PARD3B: variants seen among roughly 807,000 people sequenced by gnomAD.
The protein encoded by PARD3B is partitioning defective 3 homolog B.
A neutral mutation model predicts 130.2 loss-of-function variants in PARD3B; 103 were observed. That is an observed-to-expected ratio of 0.79 (90% confidence interval 0.67 to 0.93). PARD3B has a LOEUF of 0.93. PARD3B is among the 40% of genes least tolerant of loss of function. PARD3B has a pLI of 0.00. For missense variants in PARD3B, 1,609 were observed against 1,499.2 expected, an observed-to-expected ratio of 1.07 and a Z score of -1.21; for synonymous variants, 583 against 553.2, an observed-to-expected ratio of 1.05 and a Z score of -0.76.
At chr2:205,180,091 C>G (rs536024881) in intron 13 of PARD3B, among the ~76,000 whole-genome samples, 1 of 151,896 alleles carries the variant, frequency 6.6e-6, no homozygotes, top group African/African-American at 2.4e-5. Context: ...TAACTATCTA[C>G]AAGTTTCCTG....
At position 204,565,021 on chromosome 2, in the gene PARD3B, A is replaced by G. The variant is rs546044780; in HGVS notation, c.120+18902A>G. Among the ~76,000 whole-genome samples the G allele has an allele frequency of 7.2e-5, 11 of 152,328 alleles. No homozygotes were observed. In the East Asian group the frequency reaches 1.9e-3, roughly 27 times the overall value. On this transcript the variant is annotated intron_variant, in intron 1 of 22. Coordinates refer to ENST00000406610, the MANE Select transcript of PARD3B (RefSeq NM_001302769.2). The stretch of plus-strand genomic sequence containing the variant: ...AAGATATCGCCTAGGCTATGCTCTC[A>G]TCTGGAGGCTTGACTGGGAAGAATC...
At chr2:205,509,798 G>C (rs759633097) in intron 21 of PARD3B, among the ~76,000 whole-genome samples, 9 of 152,230 alleles carry the variant, frequency 5.9e-5, no homozygotes, top group Non-Finnish European at 8.8e-5. Context: ...TGTGGGCAGT[G>C]ACCTGATCCC....
At chr2:205,237,339 T>A (rs1036038058) in intron 15 of PARD3B, among the ~76,000 whole-genome samples, 2 of 152,134 alleles carry the variant, frequency 1.3e-5, no homozygotes, top group Admixed American at 1.3e-4. Context: ...TGACCTCAGA[T>A]GATCCACCCG....
In PARD3B at chr2:205,325,266, C is replaced by T. The variant is rs1031843267; in HGVS notation, c.2630+23565C>T. ...TGTTATACAATGTTCAACCTTTATA[C>T]TTTTATGCTGCCATAGATAAGTACA... is the stretch of plus-strand genomic sequence containing the variant. On this transcript the variant is annotated intron_variant, in intron 18 of 22. Transcript: ENST00000406610. This position sits in a 1 kb window ranked among gnomAD's most constrained non-coding sequence, Gnocchi z 4.1. 6.6e-6 allele frequency among the ~76,000 whole-genome samples: 1 copy of T among 152,264 alleles called. No individual in the cohort carries two copies. Among genetic ancestry groups the T allele is most frequent in the Non-Finnish European group, 1.5e-5 (1 of 68,014 alleles).
At chr2:205,072,028 T>C (rs1224816516) in intron 4 of PARD3B, among the ~76,000 whole-genome samples, 3 of 152,176 alleles carry the variant, frequency 2.0e-5, no homozygotes, top group African/African-American at 7.2e-5. Flanking sequence ...TATTTGTATT[T>C]CTTCTTAAAA....
At chr2:205,370,765 G>A (rs2044783053) in intron 18 of PARD3B, among the ~76,000 whole-genome samples, 1 of 152,226 alleles carries the variant, frequency 6.6e-6, no homozygotes, top group Non-Finnish European at 1.5e-5. Context: ...ACTTGGAGAA[G>A]AAGAGCACTT....
At chr2:205,535,119 C>T (rs943454364) in intron 21 of PARD3B, among the ~76,000 whole-genome samples, 48 of 152,184 alleles carry the variant, frequency 3.2e-4, no homozygotes, top group African/African-American at 1.1e-3. Context: ...ATCTGCTCTG[C>T]CCCTTTCTCA....
chr2:204,898,795 G>T (rs1005120550), intron 2 of PARD3B, among the ~76,000 whole-genome samples: 8 of 151,948 alleles, frequency 5.3e-5, no homozygotes, highest in Non-Finnish European at 8.8e-5. Flanking sequence ...TATATTTCTG[G>T]GTGCTTTGTG....
intron 19 of PARD3B, among the ~76,000 whole-genome samples, chr2:205,403,816 G>T (rs1405969580): frequency 6.6e-6 from 1 of 152,138 alleles, no homozygotes; most frequent in Non-Finnish European, 1.5e-5. Flanking sequence ...ATGATACACA[G>T]GATTTTTTTC....
intron 5 of PARD3B, among the ~76,000 whole-genome samples, chr2:205,113,100 A>T (rs1559450471): frequency 6.6e-6 from 1 of 152,076 alleles, no homozygotes; most frequent in Non-Finnish European, 1.5e-5. Flanking sequence ...TGAAGCATCG[A>T]TGTGCTTTCT....
chr2:204,780,065 A>G (rs1379519859), intron 2 of PARD3B, among the ~76,000 whole-genome samples: 1 of 152,218 alleles, frequency 6.6e-6, no homozygotes, highest in Non-Finnish European at 1.5e-5. Flanking sequence ...GAGACTCCCA[A>G]GGAGACATTT....
At chr2:205,343,582 T>G (rs1440473326) in intron 18 of PARD3B, among the ~76,000 whole-genome samples, 1 of 152,214 alleles carries the variant, frequency 6.6e-6, no homozygotes, top group Non-Finnish European at 1.5e-5. Context: ...AATGGTAACT[T>G]TAGGCAAGTA....
At chr2:204,790,447 T>C (rs2042161745) in intron 2 of PARD3B, among the ~76,000 whole-genome samples, 1 of 152,168 alleles carries the variant, frequency 6.6e-6, no homozygotes, top group South Asian at 2.1e-4. Flanking sequence ...ACTTCAAGCG[T>C]TGGGAATTAT....
At chr2:204,627,559 T>A (rs2034530059) in intron 1 of PARD3B, among the ~76,000 whole-genome samples, 1 of 152,156 alleles carries the variant, frequency 6.6e-6, no homozygotes, top group Non-Finnish European at 1.5e-5. Context: ...GTTAGCTTGT[T>A]CTAGAATTTC....
At chr2:205,130,704 AT>A (rs2031918732) in intron 10 of PARD3B, among the ~76,000 whole-genome samples, 1 of 152,158 alleles carries the variant, frequency 6.6e-6, no homozygotes, top group South Asian at 2.1e-4. Flanking sequence ...TTTCAAATGT[AT>A]TTATAATTTC....
chr2:205,012,302 T>A (rs1022448964), intron 3 of PARD3B, among the ~76,000 whole-genome samples: 2 of 152,234 alleles, frequency 1.3e-5, no homozygotes, highest in Non-Finnish European at 2.9e-5. Context: ...ATGGTTGAAT[T>A]TCTGTATTTA....
At chr2:205,581,354 C>T (rs1272158686) in intron 22 of PARD3B, among the ~76,000 whole-genome samples, 7 of 142,328 alleles carry the variant, frequency 4.9e-5, no homozygotes, top group African/African-American at 1.3e-4. Context: ...TGTGTGTGTA[C>T]GTGTGTGTAC....
intron 2 of PARD3B, among the ~76,000 whole-genome samples, chr2:204,871,229 G>A (rs879854015): frequency 3.3e-5 from 5 of 152,078 alleles, no homozygotes; most frequent in Non-Finnish European, 7.4e-5. Flanking sequence ...TTTGTAGACT[G>A]TTCATGAATT....
intron 2 of PARD3B, among the ~76,000 whole-genome samples, chr2:204,830,031 G>A (rs1004919202): frequency 6.9e-6 from 1 of 145,944 alleles, no homozygotes; most frequent in Admixed American, 6.8e-5. Flanking sequence ...AAAATGTGTA[G>A]CACTTCTCCC....
Sources: allele counts gnomAD v4.1 joint callset (sites outside exome capture counted in the v4.1 genomes callset), GRCh38; gene constraint gnomAD v4.1.1; non-coding constraint Gnocchi (gnomAD v3.1); transcripts MANE v1.5; gene names NCBI Gene and HGNC (gene_info 2026-07-23, HGNC 2026-07-21).